Variants in ABCG8 observed in about 807,000 individuals in gnomAD.
The protein encoded by ABCG8 is ATP binding cassette subfamily G member 8, also known as ATP-binding cassette sub-family G member 8.
In ABCG8, 81 loss-of-function variants were observed where a neutral mutation model predicts 71.3. The observed-to-expected ratio is 1.14, with a 90% CI of 0.95 to 1.37. The LOEUF is 1.37. Ranked by LOEUF, ABCG8 falls within the 40% of genes most tolerant of loss-of-function variation. The probability of loss-of-function intolerance (pLI) is 0.00; values close to 1 mark genes in which losing one functional copy is unlikely to be tolerated. For synonymous variants in ABCG8, 451 were observed against 354.7 expected (o/e 1.27, Z -3.05); for missense variants, 1,119 against 866.2 (o/e 1.29, Z -3.66).
Position 43,877,865 on chromosome 2 carries a change from C to T in ABCG8, c.1974C>T (p.Tyr658=). 6.2e-7 allele frequency: 1 copy of T among 1,614,078 alleles called. No homozygotes were observed. Among genetic ancestry groups the T allele is most frequent in the Non-Finnish European group, 8.5e-7 (1 of 1,180,022 alleles). Residue 658 remains tyrosine (Y), a synonymous_variant, in exon 13 of 13, where the codon TAC becomes TAT. Coordinates refer to ENST00000272286, the MANE Select transcript of ABCG8 (RefSeq NM_022437.3). ...IGLSGGFMVL[Y]YVSLRFIKQK... is the part of the protein sequence containing the mutation. ...TCAGCGGTGGCTTCATGGTCCTGTA[C>T]TACGTGTCCTTAAGGTTCATCAAAC...
Position 43,851,719 on chromosome 2 carries a change from A to G in ABCG8, c.458A>G (p.Gln153Arg), listed in dbSNP as rs1334467205. The G allele has an allele frequency of 6.2e-7, 1 of 1,614,232 alleles. No homozygotes were observed. Among genetic ancestry groups the G allele is most frequent in the Admixed American group, 1.7e-5 (1 of 60,034 alleles). ...AGGAAGTGTGTGGCCCACGTGCGCC[A>G]GCACAACCAGCTGCTCCCCAACTTG... ...LVRKCVAHVRQHNQLLPNLTV... is the reference protein window; with the variant it reads ...LVRKCVAHVRRHNQLLPNLTV... Residue 153 changes from glutamine (Q) to arginine (R), a missense_variant, in exon 4 of 13, where the codon CAG becomes CGG. Transcript: ENST00000272286.
rs1355885474 is a variant in ABCG8, at chr2:43,846,223, C to T, written c.234C>T (p.Pro78=). 1 of 1,614,198 alleles carries T rather than the reference C, an allele frequency of 6.2e-7. No homozygotes were observed. Among genetic ancestry groups the T allele is most frequent in the Non-Finnish European group, 8.5e-7 (1 of 1,180,034 alleles). The change falls in exon 3 of 13, where the codon CCC becomes CCT. Residue 78 remains proline, a synonymous_variant. Transcript: ENST00000272286. The part of the protein sequence containing the change: ...LAQFKMPWTS[P]SCQNSCELGI... Reference sequence around the variant, plus strand: ...AGTTCAAGATGCCCTGGACATCTCCCAGCTGCCAGAATTCTTGTGAGCTGG... The same window carrying T: ...AGTTCAAGATGCCCTGGACATCTCCTAGCTGCCAGAATTCTTGTGAGCTGG...
chr2:43,879,192 G>C lies in ABCG8; in HGVS notation c.*1279G>C, dbSNP rs1670054405. 6.6e-6 allele frequency: 1 copy of C among 152,482 alleles called. No individual in the cohort carries two copies. Among genetic ancestry groups the C allele is most frequent in the Non-Finnish European group, 1.5e-5 (1 of 68,272 alleles). 9.4% of individuals were successfully genotyped at this position (152,482 alleles called of 1,614,324 possible). ...CAGAGGATGGGGAGGCAGAGGCCCA[G>C]GTTGCACACTTCTTGCCTGAGTGTT... On this transcript the variant is annotated 3_prime_UTR_variant, in exon 13 of 13. Transcript: ENST00000272286.
At chr2:43,866,040 G>T (rs555889928) in intron 6 of ABCG8, among the ~76,000 whole-genome samples, 9 of 151,784 alleles carry the variant, frequency 5.9e-5, no homozygotes, top group Admixed American at 5.3e-4. Flanking sequence ...AAATAACGCC[G>T]CATATCTACA....
chr2:43,873,822 C>G lies in ABCG8; in HGVS notation c.1247C>G (p.Thr416Ser). The G allele has an allele frequency of 6.2e-7, 1 of 1,614,176 alleles. No homozygotes were observed. The highest frequency in any genetic ancestry group is 8.5e-7 in the Non-Finnish European group (1 of 1,180,040). The part of the protein sequence containing the change: ...QISNDFRDLP[T>S]LLIHGAEACL... ...TCCAACGACTTCCGAGACCTGCCCA[C>G]CCTCCTCATCCATGGGGCGGAGGCC... Residue 416 changes from threonine to serine, a missense_variant, in exon 9 of 13, where the codon ACC becomes AGC. Coordinates refer to ENST00000272286, the MANE Select transcript of ABCG8 (RefSeq NM_022437.3).
intron 6 of ABCG8, among the ~76,000 whole-genome samples, chr2:43,859,051 G>A (rs546064585): frequency 6.6e-6 from 1 of 151,376 alleles, no homozygotes; most frequent in African/African-American, 2.4e-5. Flanking sequence ...TCACCATCTG[G>A]ATAGAACTCT....
At chr2:43,846,663 G>A (rs1572826632) in intron 3 of ABCG8, 1 of 353,708 alleles carries the variant, frequency 2.8e-6, no homozygotes, top group Non-Finnish European at 5.5e-6. Flanking sequence ...CATTGGTTCA[G>A]GTTGTTCCTC....
chr2:43,853,014 G>T, intron 6 of ABCG8, 146 bp downstream of exon 6: 1 of 1,117,454 alleles, frequency 8.9e-7, no homozygotes, highest in Non-Finnish European at 1.3e-6. Context: ...AGAACATGGG[G>T]TGGTTTGCCA....
At chr2:43,840,080 A>AT (rs1309009121) in intron 1 of ABCG8, among the ~76,000 whole-genome samples, 1 of 152,200 alleles carries the variant, frequency 6.6e-6, no homozygotes, top group Non-Finnish European at 1.5e-5. Flanking sequence ...CGAGAAGCAG[A>AT]TCCCCACTCC....
intron 1 of ABCG8, among the ~76,000 whole-genome samples, chr2:43,839,952 G>T (rs1378862112): frequency 6.6e-6 from 1 of 152,190 alleles, no homozygotes. Flanking sequence ...CAGGTGGCAG[G>T]AGGTGGAGGT....
chr2:43,871,013 A>G (rs1212568806), intron 6 of ABCG8, among the ~76,000 whole-genome samples: 3 of 134,838 alleles, frequency 2.2e-5, no homozygotes, highest in Non-Finnish European at 4.9e-5. Flanking sequence ...TAGAACTCTC[A>G]CTCTCTGGAT....
intron 3 of ABCG8, among the ~76,000 whole-genome samples, chr2:43,848,744 G>A (rs905432344): frequency 2.0e-5 from 3 of 152,058 alleles, no homozygotes; most frequent in African/African-American, 7.2e-5. Flanking sequence ...GGCTGGGCAC[G>A]GTGGCTCATG....
At chr2:43,874,535 A>G in intron 10 of ABCG8, 52 bp downstream of exon 10, 1 of 1,443,122 alleles carries the variant, frequency 6.9e-7, no homozygotes, top group Non-Finnish European at 9.8e-7. Context: ...GGGTGGGGGT[A>G]AGTGTGGAGA....
rs759152941 is a variant in ABCG8, at chr2:43,877,697, G to A, written c.1884+9G>A. 8.1e-6 allele frequency: 13 copies of A among 1,614,116 alleles called. No homozygotes were observed. The highest frequency in any genetic ancestry group is 1.1e-5 in the Non-Finnish European group (13 of 1,180,004). On this transcript the variant is annotated intron_variant, in intron 12 of 12. Transcript: ENST00000272286. ...CGGTCTCAGGAGATAAAGTAAGCGG[G>A]GAAGGCCTCGGGTTCTAAATTATTG...
chr2:43,867,017 T>C (rs561117796), intron 6 of ABCG8, among the ~76,000 whole-genome samples: 25 of 151,688 alleles, frequency 1.6e-4, no homozygotes, highest in African/African-American at 5.8e-4. Context: ...TATGCAGCCA[T>C]AAAAAATGGT....
At chr2:43,851,921 G>A (rs970253101) in intron 4 of ABCG8, 99 bp downstream of exon 4, 1 of 1,394,190 alleles carries the variant, frequency 7.2e-7, no homozygotes, top group South Asian at 1.2e-5. Context: ...CCAGCCGCAG[G>A]TCGAGTTTGA....
chr2:43,847,391 G>C (rs1457661014), intron 3 of ABCG8: 1 of 152,122 alleles, frequency 6.6e-6, no homozygotes, highest in African/African-American at 2.4e-5. Flanking sequence ...CCCTGTCCCT[G>C]CAATCCTGAC....
chr2:43,865,190 C>G (rs115296690), intron 6 of ABCG8, among the ~76,000 whole-genome samples: 1 of 142,668 alleles, frequency 7.0e-6, no homozygotes, highest in Non-Finnish European at 1.6e-5. Flanking sequence ...CTGGATAGAG[C>G]TCTCACTATC....
intron 1 of ABCG8, among the ~76,000 whole-genome samples, chr2:43,843,179 C>G (rs1326328684): frequency 6.6e-6 from 1 of 152,126 alleles, no homozygotes; most frequent in African/African-American, 2.4e-5. Context: ...TCTCATCTGC[C>G]AAAATCTAAG....
Sources: gnomAD v4.1 joint callset for allele counts (sites outside exome capture counted in the v4.1 genomes callset) on GRCh38, gnomAD v4.1.1 for gene constraint, MANE v1.5 for transcripts, NCBI Gene and HGNC (gene_info 2026-07-23, HGNC 2026-07-21) for gene names.